The following TRPV6 variants were observed in gnomAD, a reference collection of about 807,000 sequenced individuals.
TRPV6 encodes the protein Alu-binding protein with zinc finger domain.
A neutral mutation model predicts 79.0 loss-of-function variants in TRPV6; 39 were observed. The ratio of observed to expected loss-of-function variants is 0.49; its 90% confidence interval spans 0.38 to 0.64. The LOEUF is 0.64. TRPV6 is among the 30% of genes least tolerant of loss of function. The pLI, the probability that TRPV6 is intolerant of heterozygous loss-of-function variation, is 0.00. For missense variants in TRPV6, 813 were observed against 1,011.1 expected (o/e 0.80, Z 2.66); for synonymous variants, 373 against 391.9 (o/e 0.95, Z 0.57).
chr7:142,880,118 C>T (rs559361053), intron 1 of TRPV6: 3 of 152,304 alleles, frequency 2.0e-5, no homozygotes, highest in East Asian at 1.9e-4. Context: ...ATCAGCTGCC[C>T]GCTAAGCCAA....
At chr7:142,878,194 C>G in intron 1 of TRPV6, 168 bp from the exon 2 acceptor site, 1 of 622,976 alleles carries the variant, frequency 1.6e-6, no homozygotes, top group Non-Finnish European at 2.9e-6. Context: ...TTTCTCTTTA[C>G]AGTCAGTAAA....
chr7:142,874,627 G>T lies in TRPV6; in HGVS notation c.1436C>A (p.Thr479Asn). The change falls in exon 11 of 15, where the codon ACC becomes AAC. Residue 479 changes from threonine to asparagine, a missense_variant. Coordinates refer to ENST00000359396, the MANE Select transcript of TRPV6 (RefSeq NM_018646.6). ...GGCACTGATGAGCCGCATCACCATG[G>T]TCACCAGCACCATGAAGGCATAGGT... 1 of 1,614,096 alleles carries T rather than the reference G, an allele frequency of 6.2e-7. No homozygotes were observed. The highest frequency in any genetic ancestry group is 8.5e-7 in the Non-Finnish European group (1 of 1,179,990).
intron 10 of TRPV6, 49 bp downstream of exon 10, chr7:142,874,855 C>A: frequency 6.2e-7 from 1 of 1,607,894 alleles, no homozygotes; most frequent in Non-Finnish European, 8.5e-7. Flanking sequence ...AGGAGTGGAA[C>A]TGGAGCCCTG....
chr7:142,882,539 G>A (rs892509256), intron 1 of TRPV6: 3 of 152,178 alleles, frequency 2.0e-5, no homozygotes, highest in African/African-American at 7.2e-5. Context: ...ATGAAGGAAA[G>A]AGCGGTAATG....
rs2116540195 is a variant in TRPV6, at chr7:142,885,264, C to T, written c.248+125G>A. ...GACAGAATGCTCCCAAGGAGCCAGTCCGGGCCTGGGAGCACCATCTGTCCA... is the reference window on the plus strand; with the variant it reads ...GACAGAATGCTCCCAAGGAGCCAGTTCGGGCCTGGGAGCACCATCTGTCCA... On this transcript the variant is annotated intron_variant, in intron 1 of 14. Transcript: ENST00000359396. The T allele has an allele frequency of 5.0e-6, 6 of 1,204,276 alleles. No homozygotes were observed. In the East Asian group the frequency reaches 7.3e-5, roughly 15 times the overall value. The allele number at this position is 1,204,276 out of a possible 1,614,324, so 74.6% of individuals were successfully genotyped here. A position where few individuals can be genotyped will look rare whatever the true frequency, so the allele number is the denominator to read the frequency against.
rs768514676 is a variant in TRPV6 at position 142,875,156 on chromosome 7, G to A, written c.1251C>T (p.Tyr417=). 16 of 1,613,988 alleles carry A rather than the reference G, an allele frequency of 9.9e-6. No homozygotes were observed. The highest frequency in any genetic ancestry group is 5.3e-5 in the African/African-American group (4 of 74,882). ...GCCGGATATCGTCCTTAGGGGTCAT[G>A]TAGGCTTCCTAATGGGGGAGAAGAA... The change falls in exon 9 of 15, where the codon TAC becomes TAT. Residue 417 remains tyrosine, a synonymous_variant. Coordinates refer to ENST00000359396, the MANE Select transcript of TRPV6 (RefSeq NM_018646.6).
At position 142,875,843 on chromosome 7, in the gene TRPV6, G is replaced by A. The variant is rs748594853; in HGVS notation, c.944C>T (p.Ser315Leu). Residue 315 changes from serine (S) to leucine (L), a missense_variant, in exon 7 of 15, where the codon TCG (serine) becomes TTG (leucine). Around this residue, in one of 3 missense-constraint regions of TRPV6, gnomAD observed 555 missense variants for 631.0 expected, o/e 0.88. Transcript: ENST00000359396. ...GATCTCTGTGAGGTCATAGAGAGTC[G>A]AGGTCAGTGGTCCATACGTCCACTG... 3.1e-6 allele frequency: 5 copies of A among 1,611,006 alleles called. No individual in the cohort carries two copies. The highest frequency in any genetic ancestry group is 1.3e-5 in the African/African-American group (1 of 74,716).
rs973528870 is a variant in TRPV6 at position 142,871,402 on chromosome 7, G to T, written c.*305C>A. ...GGGTGGAGACCGAGCGCCCAAGCAG[G>T]CTGGCCTGTTTTTAAAGTGCTCTGA... On this transcript the variant is annotated 3_prime_UTR_variant, in exon 15 of 15. Coordinates refer to ENST00000359396, the MANE Select transcript of TRPV6 (RefSeq NM_018646.6). 18 of 453,572 alleles carry T rather than the reference G, an allele frequency of 4.0e-5. No individual in the cohort carries two copies. Among genetic ancestry groups the T allele is most frequent in the African/African-American group, 2.7e-4 (14 of 51,176 alleles). The allele number at this position is 453,572 out of a possible 1,614,324, so 28.1% of individuals were successfully genotyped here. A position where few individuals can be genotyped will look rare whatever the true frequency, so the allele number is the denominator to read the frequency against.
Position 142,872,153 on chromosome 7 carries a change from G to A in TRPV6, c.2016-164C>T, listed in dbSNP as rs562900333. Among the ~76,000 whole-genome samples the A allele has an allele frequency of 3.1e-4, 47 of 152,352 alleles. No homozygotes were observed. The East Asian group carries it at 7.9e-3, about 26-fold the overall frequency. On this transcript the variant is annotated intron_variant, in intron 14 of 14. Transcript: ENST00000359396. ...TGGGTCACTGGCCCCTTGGCAGCTA[G>A]GCCTCAGAAAGCAGCAGGCTCTGCC...
intron 8 of TRPV6, 148 bp from the exon 9 acceptor site, chr7:142,875,312 G>A (rs1244401429): frequency 3.2e-5 from 39 of 1,215,782 alleles, no homozygotes; most frequent in Middle Eastern, 2.5e-4. Context: ...GAGTAAGAGC[G>A]TATGTGTGTT....
intron 1 of TRPV6, chr7:142,880,954 C>G (rs1795179548): frequency 2.0e-5 from 3 of 152,202 alleles, no homozygotes. Flanking sequence ...GCTTATGACC[C>G]AACCCAGCAA....
At position 142,873,427 on chromosome 7, in the gene TRPV6, C is replaced by G; in HGVS notation, c.1908+21G>C. On this transcript the variant is annotated intron_variant, in intron 13 of 14. Transcript: ENST00000359396. This position sits in a 1 kb window ranked among gnomAD's most constrained non-coding sequence, Gnocchi z 4.8. Reference sequence around the variant, plus strand: ...GAAGGGGATGACTTGCCCTAACCCTCCCTGCCACCAGGGGGCTCACCTGGG... The same window carrying G: ...GAAGGGGATGACTTGCCCTAACCCTGCCTGCCACCAGGGGGCTCACCTGGG... 1 of 1,611,438 alleles carries G rather than the reference C, an allele frequency of 6.2e-7. No homozygotes were observed. Among genetic ancestry groups the G allele is most frequent in the Non-Finnish European group, 8.5e-7 (1 of 1,178,284 alleles).
chr7:142,882,883 G>A (rs1198366256), intron 1 of TRPV6: 2 of 152,136 alleles, frequency 1.3e-5, no homozygotes, highest in African/African-American at 2.4e-5. Context: ...AGATGACAAA[G>A]TGCCAGCACA....
rs753312284 is a variant in TRPV6 at position 142,877,923 on chromosome 7, T to C, written c.346+6A>G. ...TAGGAGATCATGCTGCATTTGTGCT[T>C]CTTACCTCTCTGGTGCACCTTGCAA... is the stretch of plus-strand genomic sequence containing the variant. On this transcript the variant is annotated splice_donor_region_variant and intron_variant, in intron 2 of 14. Coordinates refer to ENST00000359396, the MANE Select transcript of TRPV6 (RefSeq NM_018646.6). The C allele has an allele frequency of 4.3e-6, 7 of 1,614,050 alleles. No individual in the cohort carries two copies. In the East Asian group the frequency reaches 1.6e-4, roughly 36 times the overall value.
In TRPV6 at chr7:142,885,569, G is replaced by T; in HGVS notation, c.68C>A (p.Pro23His). The change falls in exon 1 of 15, where the codon CCC becomes CAC. Residue 23 changes from proline (P) to histidine (H), a missense_variant. Pro to His is a moderately conservative substitution (Grantham distance 77). Around this residue, in one of 3 missense-constraint regions of TRPV6, gnomAD observed 555 missense variants for 631.0 expected, o/e 0.88. Coordinates refer to ENST00000359396, the MANE Select transcript of TRPV6 (RefSeq NM_018646.6). ...CTGAGGCCGAGGCCAGACCCTGACG[G>T]GACTCAGCCTTGGGGCCACATCAGC... 1 of 1,545,592 alleles carries T rather than the reference G, an allele frequency of 6.5e-7. No homozygotes were observed. The highest frequency in any genetic ancestry group is 1.2e-5 in the South Asian group (1 of 80,070).
At position 142,877,932 on chromosome 7, in the gene TRPV6, T is replaced by G; in HGVS notation, c.343A>C (p.Arg115=). The change falls in exon 2 of 15, where the codon AGA becomes CGA. Residue 115 remains arginine (R), a synonymous_variant. Transcript: ENST00000359396. ...ATGCTGCATTTGTGCTTCTTACCTC[T>G]CTGGTGCACCTTGCAATCCTCATAC... The G allele has an allele frequency of 1.2e-6, 2 of 1,614,156 alleles. No individual in the cohort carries two copies. The highest frequency in any genetic ancestry group is 1.7e-6 in the Non-Finnish European group (2 of 1,180,012).
Position 142,878,040 on chromosome 7 carries a change from G to A in TRPV6, c.249-14C>T, listed in dbSNP as rs1795114979. On this transcript the variant is annotated splice_polypyrimidine_tract_variant and intron_variant, in intron 1 of 14. Transcript: ENST00000359396. ...GACTCCCAGATCCTATGAAGGGATG[G>A]AATAGGAAAGCTGGAAACAGTGAGC... 6.2e-7 allele frequency: 1 copy of A among 1,603,250 alleles called. No individual in the cohort carries two copies. The highest frequency in any genetic ancestry group is 8.5e-7 in the Non-Finnish European group (1 of 1,170,092).
chr7:142,876,988 T>C (rs975187357), intron 4 of TRPV6, 151 bp from the exon 5 acceptor site: 1 of 1,435,328 alleles, frequency 7.0e-7, no homozygotes, highest in Non-Finnish European at 9.4e-7. Flanking sequence ...GGTCGTGGGG[T>C]AAATTGGCCT....
rs1794995227 is a variant in TRPV6, at chr7:142,873,771, C to T, written c.1640-55G>A. On this transcript the variant is annotated intron_variant, in intron 12 of 14. Coordinates refer to ENST00000359396, the MANE Select transcript of TRPV6 (RefSeq NM_018646.6). This position sits in a 1 kb window ranked among gnomAD's most constrained non-coding sequence, Gnocchi z 4.8. ...ATGGCAACCATGCAGACGACCAGCCCACCCCGGGCTCTGCGTGCATGTCCA... is the reference window on the plus strand; with the variant it reads ...ATGGCAACCATGCAGACGACCAGCCTACCCCGGGCTCTGCGTGCATGTCCA... 1 of 1,603,116 alleles carries T rather than the reference C, an allele frequency of 6.2e-7. No individual in the cohort carries two copies. Among genetic ancestry groups the T allele is most frequent in the Non-Finnish European group, 8.5e-7 (1 of 1,171,902 alleles).
Sources: gnomAD v4.1 joint callset for allele counts (sites outside exome capture counted in the v4.1 genomes callset) on GRCh38, gnomAD v4.1.1 for gene constraint, gnomAD v4.1.1 regional missense constraint, Gnocchi (gnomAD v3.1) non-coding constraint, MANE v1.5 for transcripts, NCBI Gene and HGNC (gene_info 2026-07-23, HGNC 2026-07-21) for gene names.